The following CCNH variants were observed in gnomAD, a reference collection of about 807,000 sequenced individuals.
CCNH encodes the protein cyclin H, also known as cyclin-H.
In CCNH, 31 loss-of-function variants were observed where a neutral mutation model predicts 41.9. The ratio of observed to expected loss-of-function variants is 0.74; its 90% confidence interval spans 0.56 to 1.00. The LOEUF is 1.00. Among genes scored for constraint, CCNH ranks in the 50% least tolerant of loss-of-function variants. The probability of loss-of-function intolerance (pLI) is 0.00; values close to 1 mark genes in which losing one functional copy is unlikely to be tolerated. For missense variants in CCNH, 362 were observed against 388.4 expected (o/e 0.93, Z 0.57); for synonymous variants, 138 against 136.1 (o/e 1.01, Z -0.10).
Position 87,353,208 on chromosome 5 carries a change from T to C in CCNH, c.*91-34311A>G, listed in dbSNP as rs778801311. ...GAAAAGAACAGATTGTTGAAGGATA[T>C]TATCTTAAGGAACCTGTACCAATGC... On this transcript the variant is annotated intron_variant and NMD_transcript_variant, in intron 9 of 9. Transcript: ENST00000645953. The C allele has an allele frequency of 1.8e-5, 29 of 1,609,676 alleles. No individual in the cohort carries two copies. The highest frequency in any genetic ancestry group is 2.3e-5 in the Non-Finnish European group (27 of 1,176,592).
intron 9 of CCNH, among the ~76,000 whole-genome samples, chr5:87,364,063 GAAC>G (rs1281624494): frequency 6.6e-6 from 1 of 151,956 alleles, no homozygotes; most frequent in Non-Finnish European, 1.5e-5. Context: ...TTTTTCTCAA[GAAC>G]AATGGCCTTT....
downstream of CCNH, among the ~76,000 whole-genome samples, chr5:87,315,118 A>G (rs1756227160): frequency 6.6e-6 from 1 of 152,270 alleles, no homozygotes; most frequent in Non-Finnish European, 1.5e-5. Context: ...ATAAAGAAGT[A>G]CAGAATTACA....
intron 9 of CCNH, among the ~76,000 whole-genome samples, chr5:87,386,157 A>G (rs1395484446): frequency 6.6e-6 from 1 of 151,850 alleles, no homozygotes; most frequent in Non-Finnish European, 1.5e-5. Flanking sequence ...GTGTTTCATT[A>G]TTTTATTACT....
At chr5:87,322,656 T>C (rs1366619675) in intron 9 of CCNH, among the ~76,000 whole-genome samples, 2 of 152,172 alleles carry the variant, frequency 1.3e-5, no homozygotes, top group African/African-American at 4.8e-5. Context: ...ATGCTTCCTC[T>C]ATAGTCCTGC....
At chr5:87,341,373 T>G (rs556529341) in intron 9 of CCNH, 83 of 1,223,902 alleles carry the variant, frequency 6.8e-5, no homozygotes, top group Admixed American at 5.4e-4. Flanking sequence ...ATTGTAAATT[T>G]ACTAATTGGA....
rs188436833 is a variant in CCNH at position 87,412,797 on chromosome 5, T to C, written c.-3A>G. ...TTCTGACTACTGTTGTGGTACATTATGGAATCGTGACCAGGTCCAGAGGGT... is the reference window on the plus strand; with the variant it reads ...TTCTGACTACTGTTGTGGTACATTACGGAATCGTGACCAGGTCCAGAGGGT... On this transcript the variant is annotated 5_prime_UTR_variant, in exon 1 of 9. Transcript: ENST00000256897. 1.9e-4 allele frequency: 304 copies of C among 1,613,986 alleles called. 3 individuals carry two copies. The East Asian group carries it at 6.6e-3, about 35-fold the overall frequency.
chr5:87,313,534 C>T (rs1224736453), downstream of CCNH, among the ~76,000 whole-genome samples: 4 of 152,164 alleles, frequency 2.6e-5, no homozygotes, highest in Admixed American at 1.3e-4. Context: ...TTTTCCTCAT[C>T]TCCCACCTGC....
intron 9 of CCNH, among the ~76,000 whole-genome samples, chr5:87,340,182 C>T (rs193035599): frequency 1.2e-3 from 179 of 152,182 alleles, no homozygotes; most frequent in African/African-American, 4.2e-3. Context: ...TGATAGATTG[C>T]CTTGTAAAAT....
intron 7 of CCNH, among the ~76,000 whole-genome samples, chr5:87,397,169 G>GC (rs1763032053): frequency 6.9e-6 from 1 of 144,164 alleles, no homozygotes; most frequent in Non-Finnish European, 1.5e-5. Context: ...TTTTTTTTTT[G>GC]TTTTTTTTTT....
At chr5:87,385,489 T>G (rs1230245897) in intron 9 of CCNH, 1 of 877,898 alleles carries the variant, frequency 1.1e-6, no homozygotes, top group Non-Finnish European at 1.8e-6. Flanking sequence ...CAGTGAAATT[T>G]TTAGCGATGA....
At chr5:87,367,453 T>C (rs2923742) in intron 9 of CCNH, among the ~76,000 whole-genome samples, 6,799 of 152,252 alleles carry the variant, frequency 0.045, 209 homozygotes, top group Non-Finnish European at 0.07. Flanking sequence ...AGTAGGTGAT[T>C]AGTGCGCATG....
intron 7 of CCNH, among the ~76,000 whole-genome samples, chr5:87,396,075 G>A (rs1236698813): frequency 1.3e-5 from 2 of 152,120 alleles, no homozygotes; most frequent in Non-Finnish European, 2.9e-5. Context: ...TACTGAACAT[G>A]TACAGAATTT....
downstream of CCNH, chr5:87,390,962 C>T (rs1762470646): frequency 5.0e-6 from 7 of 1,412,922 alleles, no homozygotes; most frequent in Non-Finnish European, 7.0e-6. Context: ...CTCCTTTGCT[C>T]TTGCCAAAAA....
downstream of CCNH, among the ~76,000 whole-genome samples, chr5:87,393,172 A>C (rs1181972386): frequency 6.6e-6 from 1 of 152,080 alleles, no homozygotes. Flanking sequence ...AAATAGATGT[A>C]ACTATAATGG....
intron 9 of CCNH, among the ~76,000 whole-genome samples, chr5:87,324,026 G>A (rs1358519870): frequency 2.0e-5 from 3 of 152,138 alleles, no homozygotes; most frequent in East Asian, 3.8e-4. Flanking sequence ...GTAGCACAAT[G>A]CTTGGCACAT....
intron 9 of CCNH, among the ~76,000 whole-genome samples, chr5:87,321,420 T>G (rs1291926323): frequency 2.0e-5 from 3 of 152,216 alleles, no homozygotes; most frequent in African/African-American, 7.2e-5. Flanking sequence ...GGGCTCAGTC[T>G]TGGGGTCTGG....
At chr5:87,390,729 A>C, downstream of CCNH, 1 of 1,305,564 alleles carries the variant, frequency 7.7e-7, no homozygotes, top group Non-Finnish European at 1.1e-6. Flanking sequence ...GTTTTTTTCA[A>C]ATCCAGGTTC....
chr5:87,385,849 A>G lies in CCNH; in HGVS notation c.*90+6921T>C, dbSNP rs189351970. ...CCTAATACGTGACAGACTTCTTGCC[A>G]TATGTGGAAATAGATAACTCTTTCA... On this transcript the variant is annotated intron_variant and NMD_transcript_variant, in intron 9 of 9. Transcript: ENST00000645953. Among the ~76,000 whole-genome samples the G allele has an allele frequency of 4.6e-4, 70 of 152,174 alleles. No homozygotes were observed. The East Asian group carries it at 0.013, about 28-fold the overall frequency.
In CCNH at chr5:87,318,950, G is replaced by A. The variant is rs1266568883; in HGVS notation, c.*91-53C>T. On this transcript the variant is annotated intron_variant and NMD_transcript_variant, in intron 9 of 9. Coordinates refer to the CCNH transcript ENST00000645953. ...TTCCAAGGTACAATGAGAGTACAGG[G>A]AATGGGTAAATGTTCCTGTTGCAAA... The A allele has an allele frequency of 2.0e-5, 3 of 152,266 alleles. No homozygotes were observed. In the East Asian group the frequency reaches 5.8e-4, roughly 29 times the overall value. 9.4% of individuals were successfully genotyped at this position (152,266 alleles called of 1,614,324 possible).
Sources: allele counts gnomAD v4.1 joint callset (sites outside exome capture counted in the v4.1 genomes callset), GRCh38; gene constraint gnomAD v4.1.1; transcripts MANE v1.5; gene names NCBI Gene and HGNC (gene_info 2026-07-23, HGNC 2026-07-21).